Variants in COL13A1 observed in about 807,000 individuals in gnomAD.
The protein encoded by COL13A1 is collagen alpha-1(XIII) chain.
In COL13A1, 89 loss-of-function variants were observed where a neutral mutation model predicts 130.9. That is an observed-to-expected ratio of 0.68 (90% CI 0.57 to 0.81). COL13A1 has a LOEUF of 0.81. Ranked by LOEUF, COL13A1 falls within the 30% of genes least tolerant of loss-of-function variation. The pLI is 0.00. For missense variants in COL13A1, 879 were observed against 934.6 expected, an observed-to-expected ratio of 0.94 and a Z score of 0.78; for synonymous variants, 402 against 341.6, an observed-to-expected ratio of 1.18 and a Z score of -1.95.
At chr10:69,910,780 G>T (rs1002328322) in intron 17 of COL13A1, among the ~76,000 whole-genome samples, 1 of 152,222 alleles carries the variant, frequency 6.6e-6, no homozygotes, top group Non-Finnish European at 1.5e-5. Context: ...TCTTTCAAGG[G>T]GGTTGACGAG....
intron 2 of COL13A1, among the ~76,000 whole-genome samples, chr10:69,867,459 C>G (rs956979131): frequency 2.6e-5 from 4 of 152,206 alleles, no homozygotes. Flanking sequence ...GCCCACTGTC[C>G]CGTGTTCTGC....
At chr10:69,928,883 G>C in intron 27 of COL13A1, 54 bp from the exon 28 acceptor site, 1 of 1,421,232 alleles carries the variant, frequency 7.0e-7, no homozygotes, top group Non-Finnish European at 9.9e-7. Context: ...TCAGGGCACA[G>C]GCTACCCTCC....
At chr10:69,857,131 T>A (rs913586173) in intron 2 of COL13A1, among the ~76,000 whole-genome samples, 3 of 152,156 alleles carry the variant, frequency 2.0e-5, no homozygotes, top group African/African-American at 7.2e-5. Context: ...AAATTGGGAC[T>A]CCAGTCTCTA....
chr10:69,938,130 C>T (rs547427386), intron 34 of COL13A1, among the ~76,000 whole-genome samples: 4 of 152,212 alleles, frequency 2.6e-5, no homozygotes, highest in Admixed American at 6.5e-5. Context: ...CTTGCTCCCC[C>T]CTCTTAAGCA....
intron 14 of COL13A1, among the ~76,000 whole-genome samples, chr10:69,900,134 G>A (rs921917109): frequency 1.3e-5 from 2 of 152,112 alleles, no homozygotes; most frequent in African/African-American, 2.4e-5. Context: ...GAAGTACCAG[G>A]CCCACCCCTG....
At chr10:69,806,296 G>C (rs1409465198) in intron 1 of COL13A1, among the ~76,000 whole-genome samples, 3 of 152,374 alleles carry the variant, frequency 2.0e-5, no homozygotes, top group East Asian at 3.9e-4. Context: ...GGACTCCCAT[G>C]CCAATGGGGA....
At chr10:69,921,962 C>T (rs766178317) in intron 22 of COL13A1, 27 bp downstream of exon 22, 46 of 1,588,018 alleles carry the variant, frequency 2.9e-5, no homozygotes, top group Non-Finnish European at 3.7e-5. Flanking sequence ...ATGGAGGGTT[C>T]AAGTCCTTCG....
chr10:69,858,115 C>CAGAAAAAAAAAAAAAAA (rs1856964005), intron 2 of COL13A1, among the ~76,000 whole-genome samples: 1 of 80,384 alleles, frequency 1.2e-5, no homozygotes, highest in African/African-American at 5.0e-5. Flanking sequence ...GACTCCGTCT[C>CAGAAAAAAAAAAAAAAA]AAAAAAAAAA....
intron 2 of COL13A1, among the ~76,000 whole-genome samples, chr10:69,864,002 G>A (rs770328418): frequency 6.6e-6 from 1 of 152,090 alleles, no homozygotes; most frequent in Non-Finnish European, 1.5e-5. Context: ...CAGGGAGGCT[G>A]AGGCTGTAGT....
rs772972376 is a variant in COL13A1 at position 69,946,090 on chromosome 10, C to CAA, written c.2022+382_2022+383dup. On this transcript the variant is annotated intron_variant, in intron 37 of 40. Coordinates refer to ENST00000645393, the MANE Select transcript of COL13A1 (RefSeq NM_001368882.1). ...ATCTCAAAAAAACGAACACACAAAC[C>CAA]AAAAAAAAAAAAAAAAATCACCTAG... Among the ~76,000 whole-genome samples the CAA allele has an allele frequency of 8.2e-3, 890 of 108,312 alleles. 19 individuals carry two copies. The highest frequency in any genetic ancestry group is 0.029 in the African/African-American group (815 of 28,036). 71.1% of individuals were successfully genotyped at this position (108,312 alleles called of 152,430 possible). A position where few individuals can be genotyped will look rare whatever the true frequency, so the allele number is the denominator to read the frequency against.
intron 2 of COL13A1, among the ~76,000 whole-genome samples, chr10:69,851,356 C>T (rs751177851): frequency 6.6e-6 from 1 of 152,200 alleles, no homozygotes; most frequent in Non-Finnish European, 1.5e-5. Flanking sequence ...TTTCCCAGTG[C>T]CCTGGGGGAA....
rs77039063 is a variant in COL13A1, at chr10:69,834,492, C to T, written c.364+12054C>T. ...TCTGAGCCCAGGTAACTAATAATAA[C>T]CATGGCATATATTCAACAGATGACC... On this transcript the variant is annotated intron_variant, in intron 2 of 40. Coordinates refer to ENST00000645393, the MANE Select transcript of COL13A1 (RefSeq NM_001368882.1). Among the ~76,000 whole-genome samples, 1,315 of 152,290 alleles carry T rather than the reference C, an allele frequency of 8.6e-3. 13 individuals carry two copies. The highest frequency in any genetic ancestry group is 0.03 in the African/African-American group (1,264 of 41,554).
At chr10:69,866,772 C>A (rs529871972) in intron 2 of COL13A1, among the ~76,000 whole-genome samples, 2 of 152,220 alleles carry the variant, frequency 1.3e-5, no homozygotes, top group Admixed American at 6.5e-5. Context: ...GGCAGAGAAG[C>A]CGACAGATAA....
At chr10:69,887,251 C>A (rs1228816074) in intron 7 of COL13A1, among the ~76,000 whole-genome samples, 1 of 152,188 alleles carries the variant, frequency 6.6e-6, no homozygotes, top group African/African-American at 2.4e-5. Flanking sequence ...TCCTTTCCCA[C>A]CCCCAGCCCC....
chr10:69,933,736 T>C (rs551010433), intron 31 of COL13A1, among the ~76,000 whole-genome samples: 1 of 152,280 alleles, frequency 6.6e-6, no homozygotes, highest in African/African-American at 2.4e-5. Flanking sequence ...CTCCAAGAAG[T>C]ATTTAAAATA....
At chr10:69,904,058 C>T (rs915452347) in intron 15 of COL13A1, among the ~76,000 whole-genome samples, 5 of 152,268 alleles carry the variant, frequency 3.3e-5, no homozygotes, top group Admixed American at 6.5e-5. Flanking sequence ...TCCACAATTT[C>T]GCCCCAGCAC....
intron 2 of COL13A1, among the ~76,000 whole-genome samples, chr10:69,832,571 C>T (rs1419581432): frequency 6.6e-6 from 1 of 152,080 alleles, no homozygotes; most frequent in African/African-American, 2.4e-5. Context: ...GTGCACAATC[C>T]AGTTATTTTG....
At chr10:69,828,319 C>T (rs1312094767) in intron 2 of COL13A1, among the ~76,000 whole-genome samples, 1 of 152,094 alleles carries the variant, frequency 6.6e-6, no homozygotes, top group Non-Finnish European at 1.5e-5. Flanking sequence ...ACCGCATGTC[C>T]CATCTGGCCT....
chr10:69,808,870 T>G (rs557004392), intron 1 of COL13A1, among the ~76,000 whole-genome samples: 1 of 152,334 alleles, frequency 6.6e-6, no homozygotes, highest in East Asian at 1.9e-4. Context: ...AGGCTCAGCA[T>G]TTGCTCAGGG....
Sources: allele counts gnomAD v4.1 joint callset (sites outside exome capture counted in the v4.1 genomes callset), GRCh38; gene constraint gnomAD v4.1.1; transcripts MANE v1.5; gene names NCBI Gene and HGNC (gene_info 2026-07-23, HGNC 2026-07-21).